The following NUBPL variants were observed in gnomAD, a reference collection of about 807,000 sequenced individuals.
NUBPL encodes the protein iron-sulfur cluster transfer protein NUBPL.
In NUBPL, 31 loss-of-function variants were observed where a neutral mutation model predicts 45.7. The ratio of observed to expected loss-of-function variants is 0.68; its 90% CI spans 0.51 to 0.92. NUBPL has a LOEUF of 0.92. NUBPL is among the 40% of genes least tolerant of loss of function. The pLI is 0.00. For missense variants in NUBPL, 401 were observed against 398.7 expected (o/e 1.01, Z -0.05); for synonymous variants, 144 against 140.9 (o/e 1.02, Z -0.15).
At chr14:31,765,857 A>G (rs1355199638) in intron 6 of NUBPL, among the ~76,000 whole-genome samples, 1 of 152,212 alleles carries the variant, frequency 6.6e-6, no homozygotes, top group Non-Finnish European at 1.5e-5. Flanking sequence ...GTTTGGTACC[A>G]TAAAGAATAT....
At chr14:31,604,035 T>C (rs532267600) in intron 4 of NUBPL, among the ~76,000 whole-genome samples, 23 of 152,178 alleles carry the variant, frequency 1.5e-4, no homozygotes, top group Non-Finnish European at 3.1e-4. Flanking sequence ...GCTTGGTATA[T>C]GCCAACATAA....
intron 4 of NUBPL, among the ~76,000 whole-genome samples, chr14:31,654,401 CT>C (rs1164373266): frequency 1.2e-4 from 18 of 145,764 alleles, no homozygotes; most frequent in East Asian, 2.0e-4. Context: ...TGGCAATTAA[CT>C]TTTTTTTTTC....
intron 6 of NUBPL, among the ~76,000 whole-genome samples, chr14:31,693,860 T>TC (rs71427208): frequency 7.5e-6 from 1 of 133,788 alleles, no homozygotes; most frequent in East Asian, 2.1e-4. Context: ...TTCTTTTCTT[T>TC]TTTTTTTTTT....
At position 31,611,752 on chromosome 14, in the gene NUBPL, C is replaced by A. The variant is rs185333411; in HGVS notation, c.382+12373C>A. ...AGACGAATAGAACCAAATAAAGAACCCAGAAACAAATATACACACCTGCAG... is the reference window on the plus strand; with the variant it reads ...AGACGAATAGAACCAAATAAAGAACACAGAAACAAATATACACACCTGCAG... On this transcript the variant is annotated intron_variant, in intron 4 of 10. Transcript: ENST00000281081. Among the ~76,000 whole-genome samples the A allele has an allele frequency of 2.0e-5, 3 of 152,084 alleles. No homozygotes were observed. In the East Asian group the frequency reaches 5.8e-4, roughly 29 times the overall value.
intron 3 of NUBPL, among the ~76,000 whole-genome samples, chr14:31,573,684 C>T (rs1250286845): frequency 6.6e-6 from 1 of 152,136 alleles, no homozygotes; most frequent in Non-Finnish European, 1.5e-5. Context: ...TCCTTAATGC[C>T]ACTGCTTTAT....
chr14:31,802,908 T>C (rs967757675), intron 7 of NUBPL, among the ~76,000 whole-genome samples: 1 of 152,218 alleles, frequency 6.6e-6, no homozygotes, highest in African/African-American at 2.4e-5. Flanking sequence ...TCAGTCATTG[T>C]TTAAAGTGAA....
chr14:31,813,780 G>A (rs898166292), intron 7 of NUBPL, among the ~76,000 whole-genome samples: 2 of 152,194 alleles, frequency 1.3e-5, no homozygotes, highest in African/African-American at 2.4e-5. Context: ...GTGAGAACAT[G>A]TGGTGTTTGG....
chr14:31,852,737 C>T (rs1439616625), intron 10 of NUBPL, among the ~76,000 whole-genome samples: 1 of 152,160 alleles, frequency 6.6e-6, no homozygotes, highest in Admixed American at 6.6e-5. Flanking sequence ...CCAGCTTCAA[C>T]ATCAAAGACA....
chr14:31,768,737 G>A (rs1354516979), intron 6 of NUBPL, among the ~76,000 whole-genome samples: 1 of 152,192 alleles, frequency 6.6e-6, no homozygotes, highest in Non-Finnish European at 1.5e-5. Flanking sequence ...ACCAAAGAGT[G>A]AGAGGTATGA....
chr14:31,656,725 A>G (rs2036149813), intron 4 of NUBPL, among the ~76,000 whole-genome samples: 1 of 152,194 alleles, frequency 6.6e-6, no homozygotes, highest in Non-Finnish European at 1.5e-5. Flanking sequence ...TATCACCATG[A>G]TAGACATACT....
At chr14:31,736,573 C>T (rs1433075029) in intron 6 of NUBPL, among the ~76,000 whole-genome samples, 7 of 152,186 alleles carry the variant, frequency 4.6e-5, no homozygotes, top group African/African-American at 1.7e-4. Context: ...TAGTATTACA[C>T]TGTATTATGT....
At chr14:31,764,668 A>G (rs1479783065) in intron 6 of NUBPL, among the ~76,000 whole-genome samples, 4 of 152,222 alleles carry the variant, frequency 2.6e-5, no homozygotes, top group Non-Finnish European at 5.9e-5. Flanking sequence ...AGATATAATG[A>G]CCAATGTACT....
intron 7 of NUBPL, among the ~76,000 whole-genome samples, chr14:31,812,942 T>C (rs983017632): frequency 2.6e-5 from 4 of 151,460 alleles, no homozygotes; most frequent in African/African-American, 9.7e-5. Flanking sequence ...TTGTCCCCAG[T>C]GGTTCCTAAG....
At chr14:31,639,323 C>G (rs570777450) in intron 4 of NUBPL, among the ~76,000 whole-genome samples, 3 of 152,264 alleles carry the variant, frequency 2.0e-5, no homozygotes, top group South Asian at 4.1e-4. Flanking sequence ...AGCTGCAGGT[C>G]TGTTGGAGTT....
At chr14:31,750,483 C>T (rs1312437503) in intron 6 of NUBPL, among the ~76,000 whole-genome samples, 2 of 151,706 alleles carry the variant, frequency 1.3e-5, no homozygotes, top group Non-Finnish European at 2.9e-5. Flanking sequence ...AAGCGTGAGC[C>T]ACCGCGCCTG....
At chr14:31,677,558 C>T (rs1343036518) in intron 6 of NUBPL, among the ~76,000 whole-genome samples, 3 of 152,202 alleles carry the variant, frequency 2.0e-5, no homozygotes, top group Non-Finnish European at 4.4e-5. Flanking sequence ...TGCAGACGTG[C>T]AGAGGTACTG....
At chr14:31,857,843 T>C (rs1472701912) in intron 10 of NUBPL, among the ~76,000 whole-genome samples, 2 of 151,888 alleles carry the variant, frequency 1.3e-5, no homozygotes, top group Non-Finnish European at 2.9e-5. Flanking sequence ...TTCCAAACTT[T>C]CCACATTTTC....
rs1459839683 is a variant in NUBPL at position 31,860,941 on chromosome 14, T to C, written c.*1761T>C. ...TAACGTTCTTGAAGTGACATAATTA[T>C]AGAAATGGAGAACAGATTAGTGGTG... On this transcript the variant is annotated 3_prime_UTR_variant, in exon 11 of 11. Coordinates refer to ENST00000281081, the MANE Select transcript of NUBPL (RefSeq NM_025152.3). 8.5e-5 allele frequency: 13 copies of C among 152,184 alleles called. No individual in the cohort carries two copies. The highest frequency in any genetic ancestry group is 1.5e-5 in the Non-Finnish European group (1 of 68,030). The allele number at this position is 152,184 out of a possible 1,614,324, so 9.4% of individuals were successfully genotyped here.
At chr14:31,562,872 T>G in intron 2 of NUBPL, 1 of 154,136 alleles carries the variant, frequency 6.5e-6, no homozygotes, top group Middle Eastern at 5.3e-4. Context: ...CCTCCCAAAG[T>G]GCTGGGATTA....
Sources: gnomAD v4.1 joint callset for allele counts (sites outside exome capture counted in the v4.1 genomes callset) on GRCh38, gnomAD v4.1.1 for gene constraint, MANE v1.5 for transcripts, NCBI Gene and HGNC (gene_info 2026-07-23, HGNC 2026-07-21) for gene names.